Variants in LCA5 observed in about 807,000 individuals in gnomAD.
LCA5 encodes the protein lebercilin LCA5.
A neutral mutation model predicts 53.0 loss-of-function variants in LCA5; 37 were observed. The observed-to-expected ratio is 0.70, with a 90% CI of 0.54 to 0.92. The LOEUF (loss-of-function observed/expected upper bound fraction) is 0.92, where lower values mean the gene tolerates loss of function less well. Ranked by LOEUF, LCA5 falls within the 40% of genes least tolerant of loss-of-function variation. The pLI is 0.00. For missense variants in LCA5, 806 were observed against 790.5 expected, an observed-to-expected ratio of 1.02 and a Z score of -0.23; for synonymous variants, 303 against 282.9, an observed-to-expected ratio of 1.07 and a Z score of -0.71.
At chr6:79,523,568 T>A (rs773607602) in intron 1 of LCA5, among the ~76,000 whole-genome samples, 117 of 152,334 alleles carry the variant, frequency 7.7e-4, no homozygotes, top group Non-Finnish European at 1.2e-3. Flanking sequence ...CAAACACATA[T>A]GAGATGCTCA....
rs143253280 is a variant in LCA5 at position 79,536,357 on chromosome 6, A to C, written c.-192+808T>G. 8.7e-3 allele frequency among the ~76,000 whole-genome samples: 1,321 copies of C among 152,278 alleles called. 12 individuals carry two copies. Among genetic ancestry groups the C allele is most frequent in the South Asian group, 0.032 (155 of 4,824 alleles). ...GACTTCTGATTGCAAAGATATCTCT[A>C]ATGCAAGTTCTTAACGTGAAGATAA... On this transcript the variant is annotated intron_variant, in intron 1 of 7. Coordinates refer to ENST00000369846, the MANE Select transcript of LCA5 (RefSeq NM_001122769.3).
intron 3 of LCA5, among the ~76,000 whole-genome samples, chr6:79,510,620 G>C (rs1770386331): frequency 6.6e-6 from 1 of 152,066 alleles, no homozygotes. Flanking sequence ...TTTCTCCTCT[G>C]AAAGACACTG....
Position 79,518,787 on chromosome 6 carries a change from T to C in LCA5, c.108A>G (p.Ser36=), listed in dbSNP as rs1196957609. Reference sequence around the variant, plus strand: ...TTGCAGGTGAAGAACTGACCAGCGATGATCGGCCAGAAGACTGTGGCGTTT... The same window carrying C: ...TTGCAGGTGAAGAACTGACCAGCGACGATCGGCCAGAAGACTGTGGCGTTT... ...DFETPQSSGR[S]SLVSSSPASV... The change falls in exon 2 of 8, where the codon TCA becomes TCG. Residue 36 remains serine, a synonymous_variant. Transcript: ENST00000369846. 2.5e-6 allele frequency: 4 copies of C among 1,614,070 alleles called. No homozygotes were observed. Among genetic ancestry groups the C allele is most frequent in the African/African-American group, 1.3e-5 (1 of 74,934 alleles).
intron 3 of LCA5, among the ~76,000 whole-genome samples, chr6:79,505,752 G>C (rs944822037): frequency 6.6e-6 from 1 of 152,104 alleles, no homozygotes; most frequent in Admixed American, 6.6e-5. Context: ...TCTGAAGGGT[G>C]AAAGGGCAGA....
intron 2 of LCA5, among the ~76,000 whole-genome samples, chr6:79,516,071 ATACT>A (rs1200232226): frequency 5.3e-5 from 8 of 152,044 alleles, no homozygotes; most frequent in African/African-American, 1.7e-4. Flanking sequence ...ATAATGTTTT[ATACT>A]TACTATCTGT....
At chr6:79,528,904 GCC>G (rs1337703654) in intron 1 of LCA5, among the ~76,000 whole-genome samples, 1 of 152,104 alleles carries the variant, frequency 6.6e-6, no homozygotes, top group Non-Finnish European at 1.5e-5. Flanking sequence ...TAACAATACT[GCC>G]CCAAATGTAA....
At chr6:79,537,654 T>TGCCAGGGCTCGACTGCTGAGCGTC (rs1360880768), upstream of LCA5, among the ~76,000 whole-genome samples, 9 of 152,172 alleles carry the variant, frequency 5.9e-5, no homozygotes, top group African/African-American at 2.2e-4. Flanking sequence ...GGCTGTGCGG[T>TGCCAGGGCTCGACTGCTGAGCGTC]GCCAGGGCTC....
intron 5 of LCA5, among the ~76,000 whole-genome samples, chr6:79,492,258 ACT>A (rs749761503): frequency 2.6e-5 from 4 of 151,886 alleles, no homozygotes; most frequent in African/African-American, 4.8e-5. Flanking sequence ...GCATCATATT[ACT>A]CTCTCTACTT....
At chr6:79,494,114 G>A (rs1450105315) in intron 3 of LCA5, among the ~76,000 whole-genome samples, 2 of 151,998 alleles carry the variant, frequency 1.3e-5, no homozygotes, top group Non-Finnish European at 1.5e-5. Context: ...AACTAGCTGG[G>A]CATGGTGGTG....
intron 2 of LCA5, among the ~76,000 whole-genome samples, chr6:79,516,540 A>G (rs1003010958): frequency 3.9e-5 from 6 of 152,002 alleles, no homozygotes; most frequent in African/African-American, 1.4e-4. Context: ...ACTTTCTGAC[A>G]TCCTAAAACT....
At chr6:79,538,208 A>G (rs1767218016), upstream of LCA5, among the ~76,000 whole-genome samples, 1 of 151,812 alleles carries the variant, frequency 6.6e-6, no homozygotes, top group African/African-American at 2.4e-5. Context: ...CTGATTATCA[A>G]GGTGGTTTAA....
chr6:79,535,688 CA>C (rs1562116981), intron 1 of LCA5, among the ~76,000 whole-genome samples: 2 of 151,848 alleles, frequency 1.3e-5, no homozygotes, highest in Non-Finnish European at 2.9e-5. Flanking sequence ...AAATTAGCTA[CA>C]AAAGTTTGAC....
At position 79,487,779 on chromosome 6, in the gene LCA5, C is replaced by T. The variant is rs1248493517; in HGVS notation, c.1319G>A (p.Arg440Lys). ...REEKPEWETG[R>K]YQLGMYPIQN... ...AATTGGATACATTCCTAGTTGGTAC[C>T]TTCCAGTTTCCCACTCTGGCTTTTC... Residue 440 changes from arginine to lysine, a missense_variant, in exon 8 of 8, where the codon AGG becomes AAG. Transcript: ENST00000369846. 14 of 1,612,754 alleles carry T rather than the reference C, an allele frequency of 8.7e-6. No individual in the cohort carries two copies. The highest frequency in any genetic ancestry group is 2.7e-5 in the African/African-American group (2 of 74,804).
In LCA5 at chr6:79,537,307, G is replaced by A. The variant is rs116580217; in HGVS notation, c.-334C>T. ...GGTTCCTGCGGAGGCTGCCGGGCGGGTGCCGAGGTTGCCGAGATGCGGGAG... is the reference window on the plus strand; with the variant it reads ...GGTTCCTGCGGAGGCTGCCGGGCGGATGCCGAGGTTGCCGAGATGCGGGAG... On this transcript the variant is annotated 5_prime_UTR_variant, in exon 1 of 8. Transcript: ENST00000369846. 0.01 allele frequency: 1,558 copies of A among 152,984 alleles called. 25 individuals carry two copies. Among genetic ancestry groups the A allele is most frequent in the African/African-American group, 0.036 (1,503 of 41,606 alleles). 9.5% of individuals were successfully genotyped at this position (152,984 alleles called of 1,614,324 possible).
At chr6:79,512,920 T>C (rs967654220) in intron 3 of LCA5, among the ~76,000 whole-genome samples, 1 of 152,170 alleles carries the variant, frequency 6.6e-6, no homozygotes. Flanking sequence ...GTCAGTTTTA[T>C]ATACTATGGC....
intron 1 of LCA5, among the ~76,000 whole-genome samples, chr6:79,535,119 A>C (rs897736113): frequency 6.6e-6 from 1 of 152,224 alleles, no homozygotes; most frequent in African/African-American, 2.4e-5. Context: ...TACTGAAAAA[A>C]ATGGATATAG....
At position 79,487,517 on chromosome 6, in the gene LCA5, G is replaced by C. The variant is rs760574956; in HGVS notation, c.1581C>G (p.Ile527Met). ...CTTCTCCTTTTGGAGTTGAGAAACT[G>C]ATGTCTTGCAAATGATGCCCATTAA... ...RLFNGHHLQDISFSTPKGEGQ... is the reference protein window; with the variant it reads ...RLFNGHHLQDMSFSTPKGEGQ... The change falls in exon 8 of 8, where the codon ATC (isoleucine) becomes ATG (methionine). Residue 527 changes from isoleucine to methionine, a missense_variant. Transcript: ENST00000369846. 1.8e-5 allele frequency: 29 copies of C among 1,614,056 alleles called. No individual in the cohort carries two copies. The Middle Eastern group carries it at 4.9e-4, about 28-fold the overall frequency.
intron 7 of LCA5, chr6:79,488,426 T>G (rs1418653135): frequency 1.3e-5 from 2 of 153,370 alleles, no homozygotes; most frequent in African/African-American, 4.8e-5. Flanking sequence ...GTAACAAAAA[T>G]CTCTAGATTA....
At chr6:79,492,212 A>C (rs1206246981) in intron 5 of LCA5, among the ~76,000 whole-genome samples, 1 of 152,082 alleles carries the variant, frequency 6.6e-6, no homozygotes, top group Non-Finnish European at 1.5e-5. Flanking sequence ...GGTAAAAAGT[A>C]TAACTGTTAA....
Sources: allele counts gnomAD v4.1 joint callset (sites outside exome capture counted in the v4.1 genomes callset), GRCh38; gene constraint gnomAD v4.1.1; transcripts MANE v1.5; gene names NCBI Gene and HGNC (gene_info 2026-07-23, HGNC 2026-07-21).